The following PPP1R1C variants were observed in gnomAD, a reference collection of about 807,000 sequenced individuals.
PPP1R1C encodes protein phosphatase 1 regulatory subunit 1C.
Under a neutral mutation model 17.4 loss-of-function variants are expected in PPP1R1C, and 15 were observed. The observed-to-expected ratio is 0.86, with a 90% CI of 0.58 to 1.33. The LOEUF (loss-of-function observed/expected upper bound fraction) is 1.33. PPP1R1C is among the 40% of genes most tolerant of loss of function. The pLI is 0.00. For synonymous variants in PPP1R1C, 35 were observed against 43.1 expected, an observed-to-expected ratio of 0.81 and a Z score of 0.73; for missense variants, 143 against 130.0, an observed-to-expected ratio of 1.10 and a Z score of -0.48.
chr2:182,024,109 A>G (rs1403617470), intron 2 of PPP1R1C, among the ~76,000 whole-genome samples: 1 of 152,216 alleles, frequency 6.6e-6, no homozygotes, highest in Admixed American at 6.5e-5. Context: ...CAAGGTACAG[A>G]TATTCTCAAG....
intron 2 of PPP1R1C, among the ~76,000 whole-genome samples, chr2:182,052,652 C>A (rs751191728): frequency 3.3e-5 from 5 of 152,192 alleles, no homozygotes; most frequent in Non-Finnish European, 5.9e-5. Flanking sequence ...ATCACCCCAA[C>A]ACAGCAGGCT....
intron 2 of PPP1R1C, among the ~76,000 whole-genome samples, chr2:182,033,742 G>C (rs188700475): frequency 1.1e-3 from 174 of 152,090 alleles, no homozygotes; most frequent in Non-Finnish European, 1.9e-3. Flanking sequence ...TATTTATGAA[G>C]CCCTTCAAAA....
At chr2:181,968,739 T>G (rs955324121) in intron 1 of PPP1R1C, among the ~76,000 whole-genome samples, 1 of 152,154 alleles carries the variant, frequency 6.6e-6, no homozygotes, top group Non-Finnish European at 1.5e-5. Flanking sequence ...ATTTTATTAT[T>G]TGTTTTCTGG....
At chr2:182,002,555 A>G (rs751803172) in intron 2 of PPP1R1C, among the ~76,000 whole-genome samples, 10 of 152,052 alleles carry the variant, frequency 6.6e-5, no homozygotes, top group Non-Finnish European at 1.3e-4. Context: ...AATGAGCAAG[A>G]TTCCTTGGGC....
chr2:182,113,667 C>CT (rs770510284), intron 4 of PPP1R1C, among the ~76,000 whole-genome samples: 6,437 of 145,160 alleles, frequency 0.044, 186 homozygotes, highest in Non-Finnish European at 0.064. Flanking sequence ...CCCTTATACT[C>CT]TTTTTTTTTT....
intron 1 of PPP1R1C, among the ~76,000 whole-genome samples, chr2:181,974,519 C>G (rs2125134800): frequency 6.6e-6 from 1 of 152,290 alleles, no homozygotes; most frequent in African/African-American, 2.4e-5. Context: ...TACTCCCTTG[C>G]ACAAAGATTT....
intron 4 of PPP1R1C, among the ~76,000 whole-genome samples, chr2:182,082,211 C>T (rs1199409216): frequency 2.0e-5 from 3 of 152,082 alleles, no homozygotes; most frequent in Non-Finnish European, 2.9e-5. Context: ...TAGAAACAAA[C>T]TCATAAAGCA....
chr2:181,998,251 T>C (rs1366252958), intron 2 of PPP1R1C, among the ~76,000 whole-genome samples: 1 of 152,236 alleles, frequency 6.6e-6, no homozygotes, highest in African/African-American at 2.4e-5. Flanking sequence ...AGATCATGCA[T>C]GCTGGCAACA....
chr2:181,994,673 A>G (rs1468273840), intron 2 of PPP1R1C, among the ~76,000 whole-genome samples: 1 of 152,194 alleles, frequency 6.6e-6, no homozygotes, highest in Non-Finnish European at 1.5e-5. Flanking sequence ...TTATTGGTTT[A>G]TACATTCAAT....
chr2:182,057,960 G>T lies in PPP1R1C; in HGVS notation c.143-3482G>T, dbSNP rs537081262. On this transcript the variant is annotated intron_variant, in intron 2 of 4. Transcript: ENST00000682840. ...TTTTTTTAAAGAGTTTTAGATTTAC[G>T]GAAAAATTGAACGAAGGGCACATTG... Among the ~76,000 whole-genome samples the T allele has an allele frequency of 5.3e-5, 8 of 151,920 alleles. No homozygotes were observed. In the East Asian group the frequency reaches 1.6e-3, roughly 29 times the overall value.
At chr2:181,994,910 A>G (rs974741609) in intron 2 of PPP1R1C, among the ~76,000 whole-genome samples, 4 of 152,232 alleles carry the variant, frequency 2.6e-5, no homozygotes, top group African/African-American at 9.6e-5. Flanking sequence ...TTAAGCTATT[A>G]AGGATTGAGG....
At chr2:182,120,632 T>C (rs968233785), downstream of PPP1R1C, among the ~76,000 whole-genome samples, 2 of 152,180 alleles carry the variant, frequency 1.3e-5, no homozygotes, top group Admixed American at 1.3e-4. Context: ...TTACTTGTGT[T>C]TGGAAAACAT....
At chr2:182,114,179 C>T (rs546001555) in intron 4 of PPP1R1C, among the ~76,000 whole-genome samples, 1 of 151,990 alleles carries the variant, frequency 6.6e-6, no homozygotes, top group African/African-American at 2.4e-5. Context: ...TTTGGGATTC[C>T]TTGGTTTTCC....
At chr2:181,959,847 T>G (rs1684735234) in intron 1 of PPP1R1C, among the ~76,000 whole-genome samples, 1 of 152,116 alleles carries the variant, frequency 6.6e-6, no homozygotes, top group Non-Finnish European at 1.5e-5. Flanking sequence ...GACTTTAGCT[T>G]TTTAAGTGTT....
At chr2:181,956,708 T>C (rs1645231507) in intron 1 of PPP1R1C, among the ~76,000 whole-genome samples, 1 of 152,228 alleles carries the variant, frequency 6.6e-6, no homozygotes, top group Non-Finnish European at 1.5e-5. Context: ...GAAAAGTATC[T>C]GTTCATATCC....
At chr2:182,065,073 C>G (rs547193095) in intron 4 of PPP1R1C, among the ~76,000 whole-genome samples, 10 of 152,150 alleles carry the variant, frequency 6.6e-5, no homozygotes, top group Non-Finnish European at 1.3e-4. Flanking sequence ...TCTCAAATAT[C>G]AAAAGAATGT....
intron 5 of PPP1R1C, among the ~76,000 whole-genome samples, chr2:182,125,294 G>T (rs771950466): frequency 3.9e-5 from 6 of 152,084 alleles, no homozygotes; most frequent in Admixed American, 3.3e-4. Context: ...TGCTGGATTC[G>T]GTTTGGCAGT....
intron 1 of PPP1R1C, among the ~76,000 whole-genome samples, chr2:181,963,952 G>C (rs1203397915): frequency 6.6e-6 from 1 of 151,978 alleles, no homozygotes; most frequent in Non-Finnish European, 1.5e-5. Flanking sequence ...TCCTTTCTTT[G>C]TGATAGAAAC....
chr2:182,081,606 C>G (rs1442011713), intron 4 of PPP1R1C, among the ~76,000 whole-genome samples: 1 of 152,050 alleles, frequency 6.6e-6, no homozygotes, highest in Non-Finnish European at 1.5e-5. Context: ...AAACTTAATT[C>G]TAAAATACAG....
Sources: allele counts gnomAD v4.1 joint callset (sites outside exome capture counted in the v4.1 genomes callset), GRCh38; gene constraint gnomAD v4.1.1; transcripts MANE v1.5; gene names NCBI Gene and HGNC (gene_info 2026-07-23, HGNC 2026-07-21).